SETBP1: variants seen among roughly 807,000 people sequenced by gnomAD.
SETBP1 encodes the protein SET binding protein 1, also known as SET-binding protein.
Under a neutral mutation model 101.0 loss-of-function variants are expected in SETBP1, and 9 were observed. That is an observed-to-expected ratio of 0.09 (90% CI 0.05 to 0.16). The LOEUF (loss-of-function observed/expected upper bound fraction) is 0.16. Among genes scored for constraint, SETBP1 ranks in the 10% least tolerant of loss-of-function variants. The probability of loss-of-function intolerance (pLI) is 1.00; values close to 1 mark genes in which losing one functional copy is unlikely to be tolerated. For missense variants in SETBP1, 1,858 were observed against 2,033.8 expected (o/e 0.91, Z 1.66); for synonymous variants, 818 against 788.5 (o/e 1.04, Z -0.63).
At chr18:45,029,169 A>C (rs1568037737) in intron 4 of SETBP1, among the ~76,000 whole-genome samples, 1 of 152,178 alleles carries the variant, frequency 6.6e-6, no homozygotes, top group Non-Finnish European at 1.5e-5. Context: ...TCTTTAATCC[A>C]TCTTGAATTA....
intron 2 of SETBP1, among the ~76,000 whole-genome samples, chr18:44,794,801 C>T (rs181274793): frequency 1.3e-5 from 2 of 152,160 alleles, no homozygotes; most frequent in Non-Finnish European, 2.9e-5. Context: ...GACTTGGGAT[C>T]GTGATTCATT....
chr18:44,798,862 T>C (rs897113212), intron 2 of SETBP1, among the ~76,000 whole-genome samples: 1 of 152,196 alleles, frequency 6.6e-6, no homozygotes, highest in Non-Finnish European at 1.5e-5. Flanking sequence ...ACAAACATTA[T>C]GTAGAGGTAA....
rs56054833 is a variant in SETBP1, at chr18:45,060,366, G to T, written c.4172-2713G>T. ...ATTTACACTCCCACCAACAGTATGT[G>T]AGTGTTCCTAGTTTCTTACATCATT... On this transcript the variant is annotated intron_variant, in intron 5 of 5. Coordinates refer to ENST00000649279, the MANE Select transcript of SETBP1 (RefSeq NM_015559.3). Among the ~76,000 whole-genome samples, 1,288 of 152,242 alleles carry T rather than the reference G, an allele frequency of 8.5e-3. 12 individuals carry two copies. Among genetic ancestry groups the T allele is most frequent in the Non-Finnish European group, 0.013 (888 of 68,024 alleles).
Position 44,737,254 on chromosome 18 carries a change from C to A in SETBP1, c.486+35422C>A, listed in dbSNP as rs537901891. Among the ~76,000 whole-genome samples, 181 of 152,276 alleles carry A rather than the reference C, an allele frequency of 1.2e-3. 1 individual carries two copies. The highest frequency in any genetic ancestry group is 4.1e-3 in the African/African-American group (171 of 41,550). On this transcript the variant is annotated intron_variant, in intron 2 of 5. Coordinates refer to ENST00000649279, the MANE Select transcript of SETBP1 (RefSeq NM_015559.3). ...CAGTAACAGCTTTCACTGTCAGGCACAAACTTCTTGGCTGACTGAAAGAGC... is the reference window on the plus strand; with the variant it reads ...CAGTAACAGCTTTCACTGTCAGGCAAAAACTTCTTGGCTGACTGAAAGAGC...
chr18:44,788,913 T>G (rs534693896), intron 2 of SETBP1, among the ~76,000 whole-genome samples: 1 of 148,544 alleles, frequency 6.7e-6, no homozygotes, highest in East Asian at 2.1e-4. Context: ...TCCTCCCATC[T>G]CAGCCTCATG....
At chr18:44,902,630 ATATG>A (rs2070078095) in intron 3 of SETBP1, among the ~76,000 whole-genome samples, 1 of 152,186 alleles carries the variant, frequency 6.6e-6, no homozygotes, top group South Asian at 2.1e-4. Context: ...TCATGATTTT[ATATG>A]TGAATATATA....
At chr18:44,819,823 A>G (rs1041123576) in intron 2 of SETBP1, among the ~76,000 whole-genome samples, 6 of 152,224 alleles carry the variant, frequency 3.9e-5, no homozygotes, top group African/African-American at 1.4e-4. Context: ...GATTGTTTCA[A>G]TATGAACTGG....
At chr18:44,774,613 A>G (rs2070953356) in intron 2 of SETBP1, among the ~76,000 whole-genome samples, 1 of 152,108 alleles carries the variant, frequency 6.6e-6, no homozygotes, top group African/African-American at 2.4e-5. Context: ...TGATTTGTGG[A>G]TAGGGTGCGA....
intron 5 of SETBP1, among the ~76,000 whole-genome samples, chr18:45,052,166 C>T (rs1238827920): frequency 1.3e-5 from 2 of 152,202 alleles, no homozygotes; most frequent in African/African-American, 4.8e-5. Flanking sequence ...AAGAGATGGT[C>T]CTTGTCCCTT....
intron 4 of SETBP1, among the ~76,000 whole-genome samples, chr18:45,034,792 A>G (rs992425786): frequency 6.6e-6 from 1 of 152,088 alleles, no homozygotes; most frequent in African/African-American, 2.4e-5. Flanking sequence ...CATACAGTCT[A>G]CTTTCTGAGT....
At chr18:45,034,546 A>T (rs908149067) in intron 4 of SETBP1, among the ~76,000 whole-genome samples, 2 of 152,128 alleles carry the variant, frequency 1.3e-5, no homozygotes, top group Non-Finnish European at 2.9e-5. Flanking sequence ...AAAAAAAAAA[A>T]TTATCAATAG....
chr18:44,762,038 T>G (rs2070662605), intron 2 of SETBP1, among the ~76,000 whole-genome samples: 1 of 152,182 alleles, frequency 6.6e-6, no homozygotes, highest in Non-Finnish European at 1.5e-5. Flanking sequence ...GGTGCTATAT[T>G]AGGACCGTTA....
intron 4 of SETBP1, among the ~76,000 whole-genome samples, chr18:44,972,307 T>C (rs1383790211): frequency 1.3e-5 from 2 of 152,146 alleles, no homozygotes; most frequent in East Asian, 1.9e-4. Context: ...AGTCAGGTAG[T>C]GTGATGCCTC....
chr18:44,950,195 C>A lies in SETBP1; in HGVS notation c.855C>A (p.Leu285=), dbSNP rs938037395. Residue 285 remains leucine (L), a synonymous_variant, in exon 4 of 6, where the codon CTC becomes CTA. Coordinates refer to ENST00000649279, the MANE Select transcript of SETBP1 (RefSeq NM_015559.3). ...TGTCTAACAATAACAAAGATCTGCT[C>A]TTGGGAGGTGTGGCTCCATCCCCAA... is the stretch of plus-strand genomic sequence containing the variant. ...SQLSNNNKDL[L]LGGVAPSPSS... 1.9e-6 allele frequency: 3 copies of A among 1,613,906 alleles called. No homozygotes were observed. The highest frequency in any genetic ancestry group is 2.5e-6 in the Non-Finnish European group (3 of 1,180,044).
chr18:44,692,187 T>C (rs2068945930), intron 1 of SETBP1, among the ~76,000 whole-genome samples: 2 of 152,338 alleles, frequency 1.3e-5, no homozygotes, highest in South Asian at 4.1e-4. Context: ...AATGCTAGCT[T>C]GGTGATCAAC....
At chr18:45,034,327 T>C (rs2073353144) in intron 4 of SETBP1, among the ~76,000 whole-genome samples, 1 of 151,990 alleles carries the variant, frequency 6.6e-6, no homozygotes, top group Non-Finnish European at 1.5e-5. Flanking sequence ...GATTTGGGAG[T>C]AGTTTAACCT....
rs983621921 is a variant in SETBP1, at chr18:45,067,698, A to G, written c.*4000A>G. ...GGTGTTTCTTAAAGTTTCTTTCCAC[A>G]ATACAAGGTCCTCTCTGCCTCTTGT... On this transcript the variant is annotated 3_prime_UTR_variant, in exon 6 of 6. Coordinates refer to ENST00000649279, the MANE Select transcript of SETBP1 (RefSeq NM_015559.3). 1 of 152,200 alleles carries G rather than the reference A, an allele frequency of 6.6e-6. No homozygotes were observed. The highest frequency in any genetic ancestry group is 2.4e-5 in the African/African-American group (1 of 41,440). 9.4% of individuals were successfully genotyped at this position (152,200 alleles called of 1,614,324 possible). A position where few individuals can be genotyped will look rare whatever the true frequency, so the allele number is the denominator to read the frequency against.
chr18:44,953,357 T>G lies in SETBP1; in HGVS notation c.4000+17T>G. 6.2e-7 allele frequency: 1 copy of G among 1,604,150 alleles called. No individual in the cohort carries two copies. The highest frequency in any genetic ancestry group is 8.5e-7 in the Non-Finnish European group (1 of 1,172,120). On this transcript the variant is annotated intron_variant, in intron 4 of 5. Coordinates refer to ENST00000649279, the MANE Select transcript of SETBP1 (RefSeq NM_015559.3). ...TGTCTCCAGGTAAGGCTGTTTTTCT[T>G]CAGAAATGGATTATCAAGTTATTTC...
intron 2 of SETBP1, among the ~76,000 whole-genome samples, chr18:44,758,280 C>G (rs560481771): frequency 6.6e-6 from 1 of 152,278 alleles, no homozygotes; most frequent in East Asian, 1.9e-4. Context: ...GTTCTGAGAT[C>G]ATTTTCTTTA....
Sources: gnomAD v4.1 joint callset for allele counts (sites outside exome capture counted in the v4.1 genomes callset) on GRCh38, gnomAD v4.1.1 for gene constraint, MANE v1.5 for transcripts, NCBI Gene and HGNC (gene_info 2026-07-23, HGNC 2026-07-21) for gene names.